Variants in MTHFS observed in about 807,000 individuals in gnomAD.
The protein encoded by MTHFS is methenyltetrahydrofolate synthetase.
Under a neutral mutation model 12.7 loss-of-function variants are expected in MTHFS, and 7 were observed. The ratio of observed to expected loss-of-function variants is 0.55; its 90% CI spans 0.31 to 1.03. The LOEUF (loss-of-function observed/expected upper bound fraction) is 1.03. MTHFS is among the 50% of genes least tolerant of loss of function. The pLI is 0.05. For missense variants in MTHFS, 252 were observed against 258.1 expected (o/e 0.98, Z 0.16); for synonymous variants, 100 against 97.1 (o/e 1.03, Z -0.18).
At position 79,844,669 on chromosome 15, in the gene MTHFS, A is replaced by G. The variant is rs1179454923; in HGVS notation, c.*541T>C. 6.6e-6 allele frequency among the ~76,000 whole-genome samples: 1 copy of G among 152,220 alleles called. No homozygotes were observed. Among genetic ancestry groups the G allele is most frequent in the Non-Finnish European group, 1.5e-5 (1 of 68,028 alleles). On this transcript the variant is annotated 3_prime_UTR_variant, in exon 3 of 3. Transcript: ENST00000258874. ...TTTAAATCATAAAAGGTTTCCCTCC[A>G]CTAACCACCAAAAGCTACAAAGTGT...
intron 2 of MTHFS, among the ~76,000 whole-genome samples, chr15:79,880,285 T>G (rs752351413): frequency 1.3e-5 from 2 of 152,050 alleles, no homozygotes; most frequent in Non-Finnish European, 2.9e-5. Flanking sequence ...TTTCAACATG[T>G]TAGCCAGGAT....
At chr15:79,858,891 G>C (rs957107836) in intron 2 of MTHFS, among the ~76,000 whole-genome samples, 3 of 152,110 alleles carry the variant, frequency 2.0e-5, no homozygotes, top group African/African-American at 7.2e-5. Flanking sequence ...TGGAAATTTG[G>C]GCCTATGCTC....
chr15:79,854,361 C>T (rs1305595678), intron 2 of MTHFS, among the ~76,000 whole-genome samples: 1 of 152,222 alleles, frequency 6.6e-6, no homozygotes, highest in African/African-American at 2.4e-5. Context: ...TAAGAACCCG[C>T]ATAGCTGCGA....
intron 1 of MTHFS, among the ~76,000 whole-genome samples, chr15:79,893,701 A>C (rs945789318): frequency 5.3e-5 from 8 of 151,072 alleles, no homozygotes; most frequent in Admixed American, 4.0e-4. Flanking sequence ...CCCTCTCAAA[A>C]AAAAAAAAAA....
intron 2 of MTHFS, among the ~76,000 whole-genome samples, chr15:79,887,560 A>G (rs912239116): frequency 5.9e-5 from 9 of 152,214 alleles, no homozygotes; most frequent in African/African-American, 2.2e-4. Flanking sequence ...CTGTTAACAG[A>G]GTCAACTGGA....
intron 2 of MTHFS, among the ~76,000 whole-genome samples, chr15:79,859,833 A>C (rs984544306): frequency 6.6e-6 from 1 of 151,892 alleles, no homozygotes. Context: ...AAAAAAAAAA[A>C]AAAAACCCTT....
chr15:79,881,634 A>G (rs2034295906), intron 2 of MTHFS, among the ~76,000 whole-genome samples: 1 of 152,184 alleles, frequency 6.6e-6, no homozygotes, highest in Non-Finnish European at 1.5e-5. Flanking sequence ...CATGTGACTC[A>G]GTCCAAGTTC....
chr15:79,884,434 G>A (rs137976641), intron 2 of MTHFS, among the ~76,000 whole-genome samples: 29 of 152,290 alleles, frequency 1.9e-4, no homozygotes, highest in South Asian at 4.1e-4. Flanking sequence ...TCTATTCAGC[G>A]TACAGAGAAG....
chr15:79,873,418 A>C (rs1005726349), intron 2 of MTHFS, among the ~76,000 whole-genome samples: 1 of 152,226 alleles, frequency 6.6e-6, no homozygotes, highest in Non-Finnish European at 1.5e-5. Context: ...TCTGGCAGGT[A>C]GTAAGTACTC....
At chr15:79,857,218 G>A (rs965399358) in intron 2 of MTHFS, among the ~76,000 whole-genome samples, 3 of 151,908 alleles carry the variant, frequency 2.0e-5, no homozygotes, top group Non-Finnish European at 4.4e-5. Flanking sequence ...GGCTGGTCTC[G>A]AACTCCTGAT....
chr15:79,881,451 A>G (rs1475771104), intron 2 of MTHFS, among the ~76,000 whole-genome samples: 1 of 152,226 alleles, frequency 6.6e-6, no homozygotes, highest in Non-Finnish European at 1.5e-5. Context: ...AAGATAAAAT[A>G]GACAATTCTG....
At position 79,845,012 on chromosome 15, in the gene MTHFS, A is replaced by T; in HGVS notation, c.*198T>A. The T allele has an allele frequency of 1.4e-6, 1 of 728,468 alleles. No homozygotes were observed. Among genetic ancestry groups the T allele is most frequent in the Non-Finnish European group, 2.1e-6 (1 of 467,758 alleles). 45.1% of individuals were successfully genotyped at this position (728,468 alleles called of 1,614,324 possible). On this transcript the variant is annotated 3_prime_UTR_variant, in exon 3 of 3. Transcript: ENST00000258874. ...ATCACAGGCTGATAGCCTCCATTTT[A>T]ATTAATATTCTACTATTCACACTTC...
chr15:79,873,866 G>A (rs1596074013), intron 2 of MTHFS, among the ~76,000 whole-genome samples: 1 of 152,224 alleles, frequency 6.6e-6, no homozygotes, highest in African/African-American at 2.4e-5. Flanking sequence ...GTTGGTGTAA[G>A]AGCATAATGG....
rs1026199328 is a variant in MTHFS, at chr15:79,844,057, C to A, written c.*1153G>T. ...GAATACAGAGTTGGGAGAGAAGAGGCTAGAAAAAGTAGATGAGGAGACCTC... is the reference window on the plus strand; with the variant it reads ...GAATACAGAGTTGGGAGAGAAGAGGATAGAAAAAGTAGATGAGGAGACCTC... On this transcript the variant is annotated 3_prime_UTR_variant, in exon 3 of 3. Transcript: ENST00000258874. 6.6e-6 allele frequency: 1 copy of A among 152,174 alleles called. No individual in the cohort carries two copies. Among genetic ancestry groups the A allele is most frequent in the African/African-American group, 2.4e-5 (1 of 41,416 alleles). 9.4% of individuals were successfully genotyped at this position (152,174 alleles called of 1,614,324 possible).
At chr15:79,846,302 T>C (rs1479533211) in intron 2 of MTHFS, among the ~76,000 whole-genome samples, 3 of 152,336 alleles carry the variant, frequency 2.0e-5, no homozygotes, top group East Asian at 3.9e-4. Context: ...CCACATTACA[T>C]GTCAAACCCA....
At position 79,888,957 on chromosome 15, in the gene MTHFS, G is replaced by T. The variant is rs1439546358; in HGVS notation, c.379+136C>A. 3.8e-6 allele frequency: 5 copies of T among 1,333,196 alleles called. No individual in the cohort carries two copies. In the African/African-American group the frequency reaches 7.4e-5, roughly 20 times the overall value. The allele number at this position is 1,333,196 out of a possible 1,614,324, so 82.6% of individuals were successfully genotyped here. A position where few individuals can be genotyped will look rare whatever the true frequency, so the allele number is the denominator to read the frequency against. ...TCACATCCTAAACCAGGTAATACAG[G>T]TGTCTTGGAACGTAGGCAAAATACA... On this transcript the variant is annotated intron_variant, in intron 2 of 2. Coordinates refer to ENST00000258874, the MANE Select transcript of MTHFS (RefSeq NM_006441.4).
rs1430914068 is a variant in MTHFS, at chr15:79,845,366, G to A, written c.456C>T (p.Tyr152=). 2 of 1,614,170 alleles carry A rather than the reference G, an allele frequency of 1.2e-6. No homozygotes were observed. The highest frequency in any genetic ancestry group is 1.7e-5 in the Admixed American group (1 of 60,002). ...AACAGCGCTTCAGATAGGCATCATA[G>A]TAGCCCTTGCCCCTCCCCAGTCGGT... The part of the protein sequence containing the change: ...HGNRLGRGKG[Y]YDAYLKRCLQ... Residue 152 remains tyrosine, a synonymous_variant, in exon 3 of 3, where the codon TAC becomes TAT. Transcript: ENST00000258874.
intron 2 of MTHFS, among the ~76,000 whole-genome samples, chr15:79,866,410 G>C (rs540454699): frequency 1.3e-5 from 2 of 152,298 alleles, no homozygotes; most frequent in South Asian, 2.1e-4. Context: ...CAGTGAGAAA[G>C]AGTGTCCTGG....
In MTHFS at chr15:79,845,180, C is replaced by T; in HGVS notation, c.*30G>A. 1.2e-6 allele frequency: 2 copies of T among 1,612,170 alleles called. No homozygotes were observed. The highest frequency in any genetic ancestry group is 1.7e-6 in the Non-Finnish European group (2 of 1,178,718). ...TACTTTGCTTTACTCTCATATAAAA[C>T]ACTGATTATTTGGCTGTAGTAATCC... On this transcript the variant is annotated 3_prime_UTR_variant, in exon 3 of 3. Transcript: ENST00000258874.
Sources: gnomAD v4.1 joint callset for allele counts (sites outside exome capture counted in the v4.1 genomes callset) on GRCh38, gnomAD v4.1.1 for gene constraint, MANE v1.5 for transcripts, NCBI Gene and HGNC (gene_info 2026-07-23, HGNC 2026-07-21) for gene names.